Variants in THOP1 observed in about 807,000 individuals in gnomAD.
The protein encoded by THOP1 is thimet oligopeptidase.
THOP1 carries 49 observed loss-of-function variants against 71.8 expected under a neutral mutation model. That is an observed-to-expected ratio of 0.68 (90% confidence interval 0.54 to 0.87). The LOEUF is 0.87. Ranked by LOEUF, THOP1 falls within the 40% of genes least tolerant of loss-of-function variation. The probability of loss-of-function intolerance (pLI) is 0.00; values close to 1 mark genes in which losing one functional copy is unlikely to be tolerated. For synonymous variants in THOP1, 426 were observed against 421.5 expected (o/e 1.01, Z -0.13); for missense variants, 843 against 975.6 (o/e 0.86, Z 1.81).
chr19:2,803,791 C>T (rs1916217257), intron 5 of THOP1, among the ~76,000 whole-genome samples: 1 of 152,148 alleles, frequency 6.6e-6, no homozygotes, highest in South Asian at 2.1e-4. Flanking sequence ...CTCTCAGCTC[C>T]CTCATCACCA....
chr19:2,806,249 C>G (rs1043186077), intron 6 of THOP1: 1 of 152,442 alleles, frequency 6.6e-6, no homozygotes, highest in African/African-American at 2.4e-5. Flanking sequence ...GGCTTGGGTC[C>G]TAGTGGCAGA....
intron 4 of THOP1, among the ~76,000 whole-genome samples, chr19:2,798,053 G>A (rs972785800): frequency 1.3e-5 from 2 of 152,114 alleles, no homozygotes; most frequent in East Asian, 3.9e-4. Flanking sequence ...TTTAGACAGG[G>A]AGTCACACTC....
In THOP1 at chr19:2,794,698, G is replaced by T; in HGVS notation, c.230-66G>T. The stretch of plus-strand genomic sequence containing the variant: ...CAGACAGGCCTGGGAGAGGGGTCCG[G>T]GCAACACCTGCCAGTTGTACTGGGG... On this transcript the variant is annotated intron_variant, in intron 2 of 12. Coordinates refer to ENST00000307741, the MANE Select transcript of THOP1 (RefSeq NM_003249.5). 5 of 1,558,216 alleles carry T rather than the reference G, an allele frequency of 3.2e-6. No homozygotes were observed. The East Asian group carries it at 1.1e-4, about 36-fold the overall frequency.
Position 2,813,210 on chromosome 19 carries a change from G to C in THOP1, c.2004G>C (p.Gln668His), listed in dbSNP as rs751751559. The change falls in exon 13 of 13, where the codon CAG becomes CAC. Residue 668 changes from glutamine to histidine, a missense_variant. Physicochemically the swap from Gln to His is conservative, Grantham distance 24. Transcript: ENST00000307741. ...LRRFLGRDPK[Q>H]DAFLLSKGLQ... ...GCTTCCTGGGCCGTGACCCCAAGCA[G>C]GACGCCTTCCTCCTGAGCAAGGGGC... 6.2e-7 allele frequency: 1 copy of C among 1,612,512 alleles called. No homozygotes were observed. Among genetic ancestry groups the C allele is most frequent in the South Asian group, 1.1e-5 (1 of 91,034 alleles).
At chr19:2,799,031 A>C (rs775438313) in intron 4 of THOP1, among the ~76,000 whole-genome samples, 1 of 152,176 alleles carries the variant, frequency 6.6e-6, no homozygotes, top group Non-Finnish European at 1.5e-5. Context: ...TAAGGGGTAA[A>C]ATGTTCAAAA....
chr19:2,791,786 G>A (rs780595228), intron 2 of THOP1, among the ~76,000 whole-genome samples: 3 of 152,114 alleles, frequency 2.0e-5, no homozygotes, highest in Admixed American at 6.5e-5. Flanking sequence ...ACATGGTGGC[G>A]AGACTAGCAT....
intron 6 of THOP1, chr19:2,806,187 C>T (rs928550280): frequency 3.9e-5 from 6 of 152,370 alleles, no homozygotes; most frequent in African/African-American, 1.4e-4. Flanking sequence ...CACACCTCGA[C>T]TTCCCCACTG....
At chr19:2,786,080 G>A (rs1307712868) in intron 1 of THOP1, among the ~76,000 whole-genome samples, 1 of 149,488 alleles carries the variant, frequency 6.7e-6, no homozygotes, top group Admixed American at 6.6e-5. Flanking sequence ...CAGTCCCAGG[G>A]ACACGTTTTT....
intron 9 of THOP1, among the ~76,000 whole-genome samples, chr19:2,809,307 C>T (rs1916395236): frequency 6.6e-6 from 1 of 152,206 alleles, no homozygotes; most frequent in African/African-American, 2.4e-5. Flanking sequence ...CCATGAGGCA[C>T]ATCATGGCCT....
chr19:2,802,262 C>T (rs1916163821), intron 5 of THOP1, among the ~76,000 whole-genome samples: 1 of 146,490 alleles, frequency 6.8e-6, no homozygotes, highest in African/African-American at 2.5e-5. Context: ...CACCTCCCGA[C>T]ACACCCACCT....
intron 11 of THOP1, 44 bp from the exon 12 acceptor site, chr19:2,811,554 G>A: frequency 6.3e-7 from 1 of 1,582,602 alleles, no homozygotes; most frequent in Non-Finnish European, 8.6e-7. Flanking sequence ...GGAGGAGCAT[G>A]GGGTGGGGGC....
rs1300661212 is a variant in THOP1, at chr19:2,804,061, C to G, written c.590-955C>G. On this transcript the variant is annotated intron_variant, in intron 5 of 12. Transcript: ENST00000307741. The surrounding 1 kb of genome is among the most constrained non-coding windows in gnomAD (Gnocchi z 4.7). ...TGAGCTCCGGATCATTCTTTCCACC[C>G]TGACTCCCCTGGGGTCGGAGTGAGC... is the stretch of plus-strand genomic sequence containing the variant. Among the ~76,000 whole-genome samples the G allele has an allele frequency of 6.6e-6, 1 of 152,086 alleles. No individual in the cohort carries two copies. Among genetic ancestry groups the G allele is most frequent in the African/African-American group, 2.4e-5 (1 of 41,404 alleles).
Position 2,805,240 on chromosome 19 carries a change from C to G in THOP1, c.750+64C>G. 1 of 1,527,764 alleles carries G rather than the reference C, an allele frequency of 6.5e-7. No individual in the cohort carries two copies. Among genetic ancestry groups the G allele is most frequent in the Non-Finnish European group, 8.8e-7 (1 of 1,135,590 alleles). 94.6% of individuals were successfully genotyped at this position (1,527,764 alleles called of 1,614,324 possible). On this transcript the variant is annotated intron_variant, in intron 6 of 12. Transcript: ENST00000307741. The surrounding 1 kb of genome is among the most constrained non-coding windows in gnomAD (Gnocchi z 6.6). The stretch of plus-strand genomic sequence containing the variant: ...CTGGAGCTTGTGGGGCCCGTCTGCT[C>G]CATGTGTGTGAGGCACCTCCAGGCT...
At chr19:2,785,920 C>G (rs527630577) in intron 1 of THOP1, among the ~76,000 whole-genome samples, 44 of 152,326 alleles carry the variant, frequency 2.9e-4, no homozygotes, top group South Asian at 4.1e-4. Flanking sequence ...GGTCGGGCCC[C>G]GTGGCGGACC....
At chr19:2,808,465 G>A (rs1339027042) in intron 9 of THOP1, 21 bp downstream of exon 9, 1 of 1,516,812 alleles carries the variant, frequency 6.6e-7, no homozygotes, top group South Asian at 1.2e-5. Flanking sequence ...GCCCGGGCAG[G>A]GGCAGGGGCA....
Position 2,806,982 on chromosome 19 carries a change from C to T in THOP1, c.816C>T (p.Phe272=). Residue 272 remains phenylalanine, a synonymous_variant, in exon 7 of 13, where the codon TTC becomes TTT. Transcript: ENST00000307741. ...LRAQKSRLLG[F]HTHADYVLEM... ...CCCAGAAGTCCCGCCTGCTGGGGTT[C>T]CACACGCACGCCGACTATGTCCTGG... is the stretch of plus-strand genomic sequence containing the variant. 4 of 1,613,020 alleles carry T rather than the reference C, an allele frequency of 2.5e-6. No individual in the cohort carries two copies. The highest frequency in any genetic ancestry group is 3.4e-6 in the Non-Finnish European group (4 of 1,179,830).
rs1018196640 is a variant in THOP1, at chr19:2,814,354, A to C, written c.*1078A>C. 1 of 152,074 alleles carries C rather than the reference A, an allele frequency of 6.6e-6. No individual in the cohort carries two copies. Among genetic ancestry groups the C allele is most frequent in the Non-Finnish European group, 1.5e-5 (1 of 68,058 alleles). The allele number at this position is 152,074 out of a possible 1,614,324, so 9.4% of individuals were successfully genotyped here. On this transcript the variant is annotated 3_prime_UTR_variant, in exon 13 of 13. Transcript: ENST00000307741. ...CTCCCGCGACTGTGAGTTTCTCAGG[A>C]GCCCCCCTCGTGCCCTGGGAGCGTC...
In THOP1 at chr19:2,808,167, G is replaced by A. The variant is rs1281397895; in HGVS notation, c.1254-76G>A. 21 of 1,477,890 alleles carry A rather than the reference G, an allele frequency of 1.4e-5. No homozygotes were observed. The African/African-American group carries it at 2.0e-4, about 14-fold the overall frequency. 91.5% of individuals were successfully genotyped at this position (1,477,890 alleles called of 1,614,324 possible). A position where few individuals can be genotyped will look rare whatever the true frequency, so the allele number is the denominator to read the frequency against. On this transcript the variant is annotated intron_variant, in intron 8 of 12. Coordinates refer to ENST00000307741, the MANE Select transcript of THOP1 (RefSeq NM_003249.5). ...GGCGGTCTGGGTTAGCAGTCAGGTG[G>A]GCTGAGGGATGCGGAGTCAGGGACT...
At chr19:2,798,511 G>A (rs556247190) in intron 4 of THOP1, among the ~76,000 whole-genome samples, 6 of 152,322 alleles carry the variant, frequency 3.9e-5, no homozygotes, top group South Asian at 2.1e-4. Context: ...GTTCCAGCGC[G>A]TCCCCGCGGC....
Sources: gnomAD v4.1 joint callset for allele counts (sites outside exome capture counted in the v4.1 genomes callset) on GRCh38, gnomAD v4.1.1 for gene constraint, Gnocchi (gnomAD v3.1) non-coding constraint, MANE v1.5 for transcripts, NCBI Gene and HGNC (gene_info 2026-07-23, HGNC 2026-07-21) for gene names.